ANO2: variants seen among roughly 807,000 people sequenced by gnomAD.
ANO2 encodes the protein anoctamin-2.
ANO2 carries 101 observed loss-of-function variants against 124.2 expected under a neutral mutation model. The ratio of observed to expected loss-of-function variants is 0.81; its 90% CI spans 0.69 to 0.96. The LOEUF is 0.96. ANO2 is among the 40% of genes least tolerant of loss of function. ANO2 has a pLI of 0.00. For synonymous variants in ANO2, 486 were observed against 482.5 expected (o/e 1.01, Z -0.09); for missense variants, 1,293 against 1,274.5 (o/e 1.01, Z -0.22).
At chr12:5,770,674 C>T (rs548174603) in intron 10 of ANO2, among the ~76,000 whole-genome samples, 8 of 152,214 alleles carry the variant, frequency 5.3e-5, no homozygotes, top group Non-Finnish European at 1.2e-4. Flanking sequence ...TTGCCCCATG[C>T]AATCTTTTCA....
chr12:5,847,236 A>T (rs1363631623), intron 4 of ANO2, among the ~76,000 whole-genome samples: 1 of 152,186 alleles, frequency 6.6e-6, no homozygotes, highest in Non-Finnish European at 1.5e-5. Flanking sequence ...CTGGGACATC[A>T]GTCTTTTCCT....
intron 3 of ANO2, among the ~76,000 whole-genome samples, chr12:5,894,954 G>A (rs1250969191): frequency 6.6e-6 from 1 of 152,084 alleles, no homozygotes; most frequent in Non-Finnish European, 1.5e-5. Context: ...TTTTTGTCTA[G>A]GATTGTCTTG....
chr12:5,648,323 G>A (rs1000190704), intron 14 of ANO2, among the ~76,000 whole-genome samples: 3 of 152,156 alleles, frequency 2.0e-5, no homozygotes, highest in Non-Finnish European at 4.4e-5. Flanking sequence ...GAGCCTAATC[G>A]TTGTGCAAAT....
At chr12:5,701,049 C>A (rs1218094872) in intron 14 of ANO2, among the ~76,000 whole-genome samples, 2 of 148,382 alleles carry the variant, frequency 1.3e-5, no homozygotes, top group Non-Finnish European at 3.0e-5. Flanking sequence ...AAACCAACTT[C>A]TTACAGGGTA....
At chr12:5,870,041 G>T (rs1190196072) in intron 3 of ANO2, among the ~76,000 whole-genome samples, 1 of 152,178 alleles carries the variant, frequency 6.6e-6, no homozygotes, top group Non-Finnish European at 1.5e-5. Flanking sequence ...TGTGTCTCAG[G>T]AGATGAAGAG....
At chr12:5,708,709 T>A (rs768459363) in intron 14 of ANO2, among the ~76,000 whole-genome samples, 7 of 152,178 alleles carry the variant, frequency 4.6e-5, no homozygotes, top group Non-Finnish European at 8.8e-5. Flanking sequence ...GTTATAAAGA[T>A]TAAAACTGCT....
In ANO2 at chr12:5,739,396, G is replaced by T. The variant is rs377422245; in HGVS notation, c.1355C>A (p.Thr452Asn). ...FFSIFMALWA[T>N]MFLENWKRLQ... Reference sequence around the variant, plus strand: ...CCTCTTCCAGTTTTCCAGGAACATGGTAGCTTAAAAAGAACAACAAGAACA... The same window carrying T: ...CCTCTTCCAGTTTTCCAGGAACATGTTAGCTTAAAAAGAACAACAAGAACA... Residue 452 changes from threonine to asparagine, a missense_variant, in exon 13 of 25, where the codon ACC becomes AAC. Physicochemically the swap from Thr to Asn is moderately conservative, Grantham distance 65 (BLOSUM62 0). Coordinates refer to ENST00000682330, the MANE Select transcript of ANO2 (RefSeq NM_001364791.2). The T allele has an allele frequency of 7.5e-6, 12 of 1,598,158 alleles. No homozygotes were observed. The highest frequency in any genetic ancestry group is 1.3e-5 in the African/African-American group (1 of 74,676).
At chr12:5,785,372 A>G (rs1952512105) in intron 10 of ANO2, among the ~76,000 whole-genome samples, 1 of 152,082 alleles carries the variant, frequency 6.6e-6, no homozygotes, top group African/African-American at 2.4e-5. Context: ...AAGAGGGGTC[A>G]CAGGGTTGGG....
At chr12:5,590,905 G>A (rs576497878) in intron 20 of ANO2, among the ~76,000 whole-genome samples, 6 of 152,262 alleles carry the variant, frequency 3.9e-5, no homozygotes, top group East Asian at 1.9e-4. Flanking sequence ...AAAAACTAGC[G>A]GCCGAGCGTG....
Position 5,751,413 on chromosome 12 carries a change from CTT to C in ANO2, c.1056-445_1056-444del, listed in dbSNP as rs1178950452. Among the ~76,000 whole-genome samples, 4 of 152,330 alleles carry C rather than the reference CTT, an allele frequency of 2.6e-5. No individual in the cohort carries two copies. In the East Asian group the frequency reaches 7.7e-4, roughly 29 times the overall value. On this transcript the variant is annotated intron_variant, in intron 10 of 24. Coordinates refer to ENST00000682330, the MANE Select transcript of ANO2 (RefSeq NM_001364791.2). ...CAGATCATATATTTGGGCATGTATA[CTT>C]GGGTATGCAAACCAACATACACACA...
At chr12:5,892,252 T>G (rs1181731815) in intron 3 of ANO2, among the ~76,000 whole-genome samples, 1 of 151,982 alleles carries the variant, frequency 6.6e-6, no homozygotes, top group African/African-American at 2.4e-5. Context: ...AAAAACATGT[T>G]GAAAACAATG....
Position 5,565,220 on chromosome 12 carries a change from C to A in ANO2, c.2727+338G>T, listed in dbSNP as rs186916926. Among the ~76,000 whole-genome samples the A allele has an allele frequency of 1.1e-3, 166 of 152,258 alleles. 1 individual carries two copies. The highest frequency in any genetic ancestry group is 3.9e-3 in the East Asian group (20 of 5,180). On this transcript the variant is annotated intron_variant, in intron 24 of 24. Coordinates refer to ENST00000682330, the MANE Select transcript of ANO2 (RefSeq NM_001364791.2). ...GAGATGAGATGGGGCTGTTTGTCTG[C>A]CCCAGGCTGGGACTCTGGTTTCAAT...
chr12:5,827,743 C>A, intron 7 of ANO2, 26 bp downstream of exon 7: 3 of 1,603,594 alleles, frequency 1.9e-6, no homozygotes, highest in Non-Finnish European at 2.6e-6. Context: ...CCCGTCAGCA[C>A]CCTGCCCGCG....
intron 23 of ANO2, among the ~76,000 whole-genome samples, chr12:5,573,330 T>C (rs930025441): frequency 4.6e-5 from 7 of 152,322 alleles, no homozygotes; most frequent in East Asian, 1.9e-4. Flanking sequence ...TCAGAGACCC[T>C]TGTGCTCTGA....
intron 3 of ANO2, among the ~76,000 whole-genome samples, chr12:5,888,496 T>C (rs1222173356): frequency 6.6e-6 from 1 of 152,114 alleles, no homozygotes; most frequent in African/African-American, 2.4e-5. Context: ...AGAGAGCCAA[T>C]TGGTCTATTT....
chr12:5,730,522 G>GAGA (rs1950592789), intron 14 of ANO2, among the ~76,000 whole-genome samples: 2 of 152,210 alleles, frequency 1.3e-5, no homozygotes, highest in South Asian at 4.1e-4. Flanking sequence ...CTTCTGGGGT[G>GAGA]AGACAAGCAC....
chr12:5,599,692 GA>G (rs1482385979), intron 19 of ANO2, 63 bp from the exon 20 acceptor site: 1 of 1,545,102 alleles, frequency 6.5e-7, no homozygotes, highest in Non-Finnish European at 8.8e-7. Flanking sequence ...TTTGCAGACA[GA>G]AAAAAGAAAA....
chr12:5,764,230 A>C (rs1370902589), intron 10 of ANO2, among the ~76,000 whole-genome samples: 1 of 152,218 alleles, frequency 6.6e-6, no homozygotes, highest in African/African-American at 2.4e-5. Flanking sequence ...GACTTGTCCA[A>C]AGTCACACAG....
chr12:5,609,562 G>A (rs565461244), intron 19 of ANO2, among the ~76,000 whole-genome samples: 1 of 152,242 alleles, frequency 6.6e-6, no homozygotes, highest in East Asian at 1.9e-4. Flanking sequence ...TTTTGAGGAA[G>A]ACCAAAAGGG....
Sources: allele counts gnomAD v4.1 joint callset (sites outside exome capture counted in the v4.1 genomes callset), GRCh38; gene constraint gnomAD v4.1.1; transcripts MANE v1.5; gene names NCBI Gene and HGNC (gene_info 2026-07-23, HGNC 2026-07-21).